KCNN3: variants seen among roughly 807,000 people sequenced by gnomAD.
KCNN3 encodes the protein small conductance calcium-activated potassium channel protein 3.
In KCNN3, 16 loss-of-function variants were observed where a neutral mutation model predicts 62.9. The observed-to-expected ratio is 0.25, with a 90% confidence interval of 0.17 to 0.39. The LOEUF (loss-of-function observed/expected upper bound fraction) is 0.39. Ranked by LOEUF, KCNN3 falls within the 10% of genes least tolerant of loss-of-function variation. The pLI is 1.00. For missense variants in KCNN3, 599 were observed against 949.4 expected (o/e 0.63, Z 4.85); for synonymous variants, 370 against 389.2 (o/e 0.95, Z 0.58).
At chr1:154,851,689 T>A (rs576877786) in intron 1 of KCNN3, among the ~76,000 whole-genome samples, 14 of 152,178 alleles carry the variant, frequency 9.2e-5, no homozygotes, top group Admixed American at 7.2e-4. Flanking sequence ...CCAGCCACTT[T>A]TTACCAACTC....
At chr1:154,730,953 T>G (rs7541342) in intron 4 of KCNN3, among the ~76,000 whole-genome samples, 2 of 152,190 alleles carry the variant, frequency 1.3e-5, no homozygotes, top group Admixed American at 1.3e-4. Flanking sequence ...TCCGCTCAGC[T>G]GTGCCAGAGT....
At chr1:154,710,623 C>T (rs573562256) in intron 7 of KCNN3, among the ~76,000 whole-genome samples, 28 of 152,172 alleles carry the variant, frequency 1.8e-4, no homozygotes, top group African/African-American at 9.7e-5. Flanking sequence ...TCCAAGAGGC[C>T]GTGGGTGGCA....
At chr1:154,818,986 CA>C (rs1650782236) in intron 2 of KCNN3, among the ~76,000 whole-genome samples, 1 of 152,194 alleles carries the variant, frequency 6.6e-6, no homozygotes, top group Non-Finnish European at 1.5e-5. Flanking sequence ...GCTAGGTGAT[CA>C]GGAACCACTG....
At chr1:154,847,516 G>C (rs952744046) in intron 1 of KCNN3, among the ~76,000 whole-genome samples, 1 of 152,210 alleles carries the variant, frequency 6.6e-6, no homozygotes, top group South Asian at 2.1e-4. Flanking sequence ...CTGCAGGGAG[G>C]CTGGTGTCTT....
chr1:154,784,336 C>A (rs975789749), intron 2 of KCNN3, among the ~76,000 whole-genome samples: 3 of 152,160 alleles, frequency 2.0e-5, no homozygotes, highest in African/African-American at 7.2e-5. Flanking sequence ...CCAAAAGGGC[C>A]TTTTCCCACC....
At chr1:154,746,156 G>C (rs1353193085) in intron 3 of KCNN3, among the ~76,000 whole-genome samples, 1 of 152,200 alleles carries the variant, frequency 6.6e-6, no homozygotes, top group Non-Finnish European at 1.5e-5. Flanking sequence ...GCCCCCTCCT[G>C]TGTGCCTGGC....
chr1:154,725,838 C>T (rs956380819), intron 5 of KCNN3, 78 bp downstream of exon 5: 41 of 1,069,386 alleles, frequency 3.8e-5, no homozygotes, highest in Middle Eastern at 2.0e-4. Context: ...CCACTGCACC[C>T]GTTGGACCAT....
intron 7 of KCNN3, among the ~76,000 whole-genome samples, chr1:154,711,784 T>G (rs943390915): frequency 1.6e-4 from 24 of 152,172 alleles, no homozygotes. Flanking sequence ...GAATTAAGAC[T>G]AGTAGGGGGC....
At chr1:154,803,085 C>A (rs1008605118) in intron 2 of KCNN3, among the ~76,000 whole-genome samples, 2 of 152,168 alleles carry the variant, frequency 1.3e-5, no homozygotes, top group Admixed American at 1.3e-4. Context: ...ACCTGGGCTG[C>A]AGCTGTATGT....
At chr1:154,808,932 C>A (rs76995012) in intron 2 of KCNN3, among the ~76,000 whole-genome samples, 2 of 152,156 alleles carry the variant, frequency 1.3e-5, no homozygotes, top group Admixed American at 6.5e-5. Flanking sequence ...AGGCAGGTGT[C>A]GGGCGGCTCC....
chr1:154,711,390 G>A (rs1700071590), intron 7 of KCNN3, among the ~76,000 whole-genome samples: 1 of 150,066 alleles, frequency 6.7e-6, no homozygotes, highest in East Asian at 2.0e-4. Flanking sequence ...TATACCTAAT[G>A]TTAAATGACG....
Position 154,869,682 on chromosome 1 carries a change from G to A in KCNN3, c.283C>T (p.Pro95Ser). ...LSQLAQLQSQPVHPGLLHSSP... is the reference protein window; with the variant it reads ...LSQLAQLQSQSVHPGLLHSSP... ...GAGTGCAGCAGGCCAGGGTGGACGG[G>A]CTGGCTCTGGAGTTGGGCGAGCTGA... The change falls in exon 1 of 8, where the codon CCC becomes TCC. Residue 95 changes from proline (P) to serine (S), a missense_variant. By Grantham distance (74) the Pro-to-Ser change is moderately conservative. This residue lies in a region of KCNN3 where 112 missense variants were observed against 142.9 expected (regional missense o/e 0.78). Transcript: ENST00000271915. This position sits in a 1 kb window ranked among gnomAD's most constrained non-coding sequence, Gnocchi z 6.1. 6.3e-7 allele frequency: 1 copy of A among 1,596,726 alleles called. No individual in the cohort carries two copies. Among genetic ancestry groups the A allele is most frequent in the Non-Finnish European group, 8.5e-7 (1 of 1,171,424 alleles).
chr1:154,772,961 G>T lies in KCNN3; in HGVS notation c.1030-568C>A, dbSNP rs562496470. On this transcript the variant is annotated intron_variant, in intron 2 of 7. Coordinates refer to ENST00000271915, the MANE Select transcript of KCNN3 (RefSeq NM_002249.6). This position sits in a 1 kb window ranked among gnomAD's most constrained non-coding sequence, Gnocchi z 5.6. ...GGCCAATGATGTCATCAATTATGTC[G>T]GTGTAATGAAACCTCCACAAAATCC... 3.3e-5 allele frequency among the ~76,000 whole-genome samples: 5 copies of T among 152,038 alleles called. No individual in the cohort carries two copies. Among genetic ancestry groups the T allele is most frequent in the African/African-American group, 1.2e-4 (5 of 41,364 alleles).
At chr1:154,773,153 C>T (rs983090845) in intron 2 of KCNN3, among the ~76,000 whole-genome samples, 1 of 151,954 alleles carries the variant, frequency 6.6e-6, no homozygotes, top group African/African-American at 2.4e-5. Context: ...TTTTTCTGAT[C>T]CTCTCCCTCC....
At chr1:154,741,463 C>T (rs1176600233) in intron 3 of KCNN3, among the ~76,000 whole-genome samples, 2 of 152,190 alleles carry the variant, frequency 1.3e-5, no homozygotes, top group East Asian at 1.9e-4. Flanking sequence ...AGGCTTGCTT[C>T]AGTAATTCAG....
At position 154,869,574 on chromosome 1, in the gene KCNN3, T is replaced by C. The variant is rs367772161; in HGVS notation, c.391A>G (p.Asn131Asp). 6.2e-7 allele frequency: 1 copy of C among 1,613,898 alleles called. No individual in the cohort carries two copies. The highest frequency in any genetic ancestry group is 8.5e-7 in the Non-Finnish European group (1 of 1,179,990). Residue 131 changes from asparagine (N) to aspartate (D), a missense_variant, in exon 1 of 8, where the codon AAT becomes GAT. Transcript: ENST00000271915. The surrounding 1 kb of genome is among the most constrained non-coding windows in gnomAD (Gnocchi z 6.1). ...TGGCCAAGCAAGTGGTCATTGAGAT[T>C]GAGCTGGCTGCCTTGCCTGGAGGAA... is the stretch of plus-strand genomic sequence containing the variant. Reference protein sequence around the residue: ...HPSSRQGSQLNLNDHLLGHSP... With the variant: ...HPSSRQGSQLDLNDHLLGHSP...
intron 2 of KCNN3, among the ~76,000 whole-genome samples, chr1:154,812,544 G>C (rs1452088833): frequency 6.6e-6 from 1 of 152,122 alleles, no homozygotes; most frequent in Non-Finnish European, 1.5e-5. Flanking sequence ...TGCTGAGAAT[G>C]ATGGAGAAAC....
At position 154,701,734 on chromosome 1, in the gene KCNN3, C is replaced by T. The variant is rs1461577317; in HGVS notation, c.*6242G>A. ...GATAAACATGTGGGAACCTTGCTCC[C>T]TCAAGGGTATTGCCAATTTAGAAAA... On this transcript the variant is annotated 3_prime_UTR_variant, in exon 8 of 8. Coordinates refer to ENST00000271915, the MANE Select transcript of KCNN3 (RefSeq NM_002249.6). 1 of 152,196 alleles carries T rather than the reference C, an allele frequency of 6.6e-6. No homozygotes were observed. Among genetic ancestry groups the T allele is most frequent in the African/African-American group, 2.4e-5 (1 of 41,436 alleles). The allele number at this position is 152,196 out of a possible 1,614,324, so 9.4% of individuals were successfully genotyped here.
In KCNN3 at chr1:154,775,787, C is replaced by T. The variant is rs74115862; in HGVS notation, c.1030-3394G>A. Among the ~76,000 whole-genome samples the T allele has an allele frequency of 4.3e-3, 648 of 152,316 alleles. 6 individuals carry two copies. Among genetic ancestry groups the T allele is most frequent in the African/African-American group, 0.015 (608 of 41,566 alleles). The stretch of plus-strand genomic sequence containing the variant: ...TAGGTTTTCCCCAGCAATTAGAAAG[C>T]CCTAATGGCTGCTCAAAGGGTTCCC... On this transcript the variant is annotated intron_variant, in intron 2 of 7. Coordinates refer to ENST00000271915, the MANE Select transcript of KCNN3 (RefSeq NM_002249.6).
Sources: allele counts gnomAD v4.1 joint callset (sites outside exome capture counted in the v4.1 genomes callset), GRCh38; gene constraint gnomAD v4.1.1; regional missense constraint gnomAD v4.1.1; non-coding constraint Gnocchi (gnomAD v3.1); transcripts MANE v1.5; gene names NCBI Gene and HGNC (gene_info 2026-07-23, HGNC 2026-07-21).